Variants in DPP4 observed in about 807,000 individuals in gnomAD.
DPP4 encodes the protein dipeptidyl peptidase 4.
Under a neutral mutation model 122.4 loss-of-function variants are expected in DPP4, and 93 were observed. That is an observed-to-expected ratio of 0.76 (90% CI 0.64 to 0.90). DPP4 has a LOEUF of 0.90. DPP4 is among the 40% of genes least tolerant of loss of function. The probability of loss-of-function intolerance (pLI) is 0.00; values close to 1 mark genes in which losing one functional copy is unlikely to be tolerated. For missense variants in DPP4, 914 were observed against 907.3 expected (o/e 1.01, Z -0.09); for synonymous variants, 321 against 302.9 (o/e 1.06, Z -0.62).
rs534149788 is a variant in DPP4, at chr2:162,063,069, G to A, written c.94+10330C>T. The stretch of plus-strand genomic sequence containing the variant: ...CCAGGGTAGTAGGAGATGAGGTGGT[G>A]AGGTAGGGTCAAACTCTGAGAGAAT... On this transcript the variant is annotated intron_variant, in intron 2 of 25. Coordinates refer to ENST00000360534, the MANE Select transcript of DPP4 (RefSeq NM_001935.4). Among the ~76,000 whole-genome samples, 15 of 152,268 alleles carry A rather than the reference G, an allele frequency of 9.9e-5. No homozygotes were observed. The South Asian group carries it at 2.9e-3, about 29-fold the overall frequency.
chr2:162,008,364 A>C (rs1701336386), intron 22 of DPP4, among the ~76,000 whole-genome samples, 198 bp downstream of exon 22: 1 of 152,216 alleles, frequency 6.6e-6, no homozygotes, highest in Non-Finnish European at 1.5e-5. Flanking sequence ...TCAAACGTGT[A>C]ATAAAATATA....
intron 8 of DPP4, among the ~76,000 whole-genome samples, chr2:162,037,237 C>T (rs1683812599): frequency 1.3e-5 from 2 of 152,178 alleles, no homozygotes; most frequent in African/African-American, 4.8e-5. Context: ...GTGTTAGCTG[C>T]CCTCTTATCT....
chr2:162,044,654 G>A (rs1236811828), intron 5 of DPP4, among the ~76,000 whole-genome samples: 1 of 152,176 alleles, frequency 6.6e-6, no homozygotes, highest in Non-Finnish European at 1.5e-5. Context: ...TGAACAACTT[G>A]TCAAATCCAT....
chr2:162,050,637 G>C (rs962516459), intron 2 of DPP4, among the ~76,000 whole-genome samples: 1 of 152,248 alleles, frequency 6.6e-6, no homozygotes, highest in Non-Finnish European at 1.5e-5. Context: ...TCCAAGAGAA[G>C]AGCGGCTAAA....
In DPP4 at chr2:162,073,432, T is replaced by C; in HGVS notation, c.61A>G (p.Ile21Val). The C allele has an allele frequency of 1.9e-6, 3 of 1,614,102 alleles. No homozygotes were observed. Among genetic ancestry groups the C allele is most frequent in the Non-Finnish European group, 2.5e-6 (3 of 1,180,030 alleles). ...TTCAGCAGAACCACGGGCACGGTGA[T>C]GATGGTGACAAGCGCAGCAGCACCC... ...LLGAAALVTI[I>V]TVPVVLLNKG... The change falls in exon 2 of 26, where the codon ATC (isoleucine) becomes GTC (valine). Residue 21 changes from isoleucine to valine, a missense_variant. Transcript: ENST00000360534.
At chr2:162,059,435 T>C (rs1001914903) in intron 2 of DPP4, among the ~76,000 whole-genome samples, 3 of 152,220 alleles carry the variant, frequency 2.0e-5, no homozygotes, top group Non-Finnish European at 2.9e-5. Flanking sequence ...TTCTTAAGTG[T>C]ATGACTAAAT....
At position 161,995,050 on chromosome 2, in the gene DPP4, G is replaced by A; in HGVS notation, c.2126-16C>T. The stretch of plus-strand genomic sequence containing the variant: ...TGAACGTTATCTGCAGGGAGAGAAA[G>A]GAAACATAAAGTAGCTAATAGCCAC... On this transcript the variant is annotated splice_polypyrimidine_tract_variant and intron_variant, in intron 24 of 25. Transcript: ENST00000360534. 1 of 1,613,878 alleles carries A rather than the reference G, an allele frequency of 6.2e-7. No homozygotes were observed. Among genetic ancestry groups the A allele is most frequent in the Non-Finnish European group, 8.5e-7 (1 of 1,179,876 alleles).
At position 162,038,408 on chromosome 2, in the gene DPP4, G is replaced by A. The variant is rs149291595; in HGVS notation, c.507C>T (p.Asn169=). 1.7e-4 allele frequency: 273 copies of A among 1,602,694 alleles called. 3 individuals carry two copies. The African/African-American group carries it at 3.1e-3, about 18-fold the overall frequency. The part of the protein sequence containing the change: ...PVGHKLAYVW[N]NDIYVKIEPN... ...GTTCAATTTTAACATAAATGTCATT[G>A]TTCCAAACATATGCCTAGAAGGAAA... Residue 169 remains asparagine, a synonymous_variant, in exon 8 of 26, where the codon AAC becomes AAT. Coordinates refer to ENST00000360534, the MANE Select transcript of DPP4 (RefSeq NM_001935.4).
At chr2:162,012,169 A>T (rs139880944) in intron 19 of DPP4, among the ~76,000 whole-genome samples, 182 bp from the exon 20 acceptor site, 3 of 152,284 alleles carry the variant, frequency 2.0e-5, no homozygotes, top group African/African-American at 7.2e-5. Flanking sequence ...CCATGGTTGT[A>T]TATTTCCTTC....
At chr2:162,020,448 A>G (rs934136863) in intron 13 of DPP4, 133 bp downstream of exon 13, 28 of 960,314 alleles carry the variant, frequency 2.9e-5, no homozygotes, top group Admixed American at 1.1e-4. Flanking sequence ...ATGACACAAT[A>G]CACCACTGAG....
intron 12 of DPP4, chr2:162,021,440 A>T (rs1683123832): frequency 6.6e-6 from 1 of 152,172 alleles, no homozygotes; most frequent in Non-Finnish European, 1.5e-5. Flanking sequence ...TTGGTTTACG[A>T]TTTTGATTTC....
chr2:162,071,611 G>A (rs1200013742), intron 2 of DPP4, among the ~76,000 whole-genome samples: 1 of 152,332 alleles, frequency 6.6e-6, no homozygotes, highest in East Asian at 1.9e-4. Flanking sequence ...AACCTCCAGA[G>A]CAGTCTGCTC....
intron 19 of DPP4, among the ~76,000 whole-genome samples, chr2:162,012,570 C>T (rs749121177): frequency 5.3e-5 from 8 of 152,020 alleles, no homozygotes; most frequent in African/African-American, 9.7e-5. Flanking sequence ...CATTGGAAAA[C>T]GGGCATGTCA....
chr2:162,022,759 C>A lies in DPP4; in HGVS notation c.1064G>T (p.Gly355Val). The change falls in exon 12 of 26, where the codon GGA becomes GTA. Residue 355 changes from glycine (G) to valine (V), a missense_variant. Gly to Val is a moderately radical substitution (Grantham distance 109). Transcript: ENST00000360534. ...CCCACAACTTATAACACTTACTCTTCCAACCCAGCCAGTAGTACTCATTTC... is the reference window on the plus strand; with the variant it reads ...CCCACAACTTATAACACTTACTCTTACAACCCAGCCAGTAGTACTCATTTC... ...HIEMSTTGWVGRFRPSEPHFT... is the reference protein window; with the variant it reads ...HIEMSTTGWVVRFRPSEPHFT... The A allele has an allele frequency of 6.2e-7, 1 of 1,614,044 alleles. No homozygotes were observed. The highest frequency in any genetic ancestry group is 8.5e-7 in the Non-Finnish European group (1 of 1,180,014).
chr2:162,011,687 T>G (rs1682711918), intron 20 of DPP4, 106 bp downstream of exon 20: 3 of 1,141,766 alleles, frequency 2.6e-6, no homozygotes, highest in Admixed American at 5.1e-5. Context: ...GATTACAAAT[T>G]CATCCCAGAA....
Position 162,074,148 on chromosome 2 carries a change from T to C in DPP4, c.-167A>G. The C allele has an allele frequency of 3.7e-6, 5 of 1,336,824 alleles. No homozygotes were observed. In the South Asian group the frequency reaches 8.1e-5, roughly 22 times the overall value. 82.8% of individuals were successfully genotyped at this position (1,336,824 alleles called of 1,614,324 possible). On this transcript the variant is annotated 5_prime_UTR_variant, in exon 1 of 26. The change creates a new upstream start codon in the 5' untranslated region. Coordinates refer to ENST00000360534, the MANE Select transcript of DPP4 (RefSeq NM_001935.4). Reference sequence around the variant, plus strand: ...ATTAGTGAGCGCCGAGCCCGCTGGGTATAAAGGCGCCGCGGGCAGGCTGCA... The same window carrying C: ...ATTAGTGAGCGCCGAGCCCGCTGGGCATAAAGGCGCCGCGGGCAGGCTGCA...
At chr2:162,044,390 CAGTGTTGGTGTGTG>C (rs1439870343) in intron 5 of DPP4, among the ~76,000 whole-genome samples, 63 of 151,042 alleles carry the variant, frequency 4.2e-4, no homozygotes, top group Admixed American at 2.8e-3. Context: ...CTGAGTACAG[CAGTGTTGGTGTGTG>C]AGTGTTGGTG....
At chr2:162,047,078 A>C in intron 3 of DPP4, 72 bp from the exon 4 acceptor site, 3 of 819,256 alleles carry the variant, frequency 3.7e-6, no homozygotes. Flanking sequence ...AAAATTACAG[A>C]ATACAGTTTA....
chr2:162,073,311 G>T, intron 2 of DPP4, 88 bp downstream of exon 2: 1 of 1,387,130 alleles, frequency 7.2e-7, no homozygotes, highest in Admixed American at 1.8e-5. Flanking sequence ...CCAACCCCAC[G>T]CAAAATCCCT....
Sources: gnomAD v4.1 joint callset for allele counts (sites outside exome capture counted in the v4.1 genomes callset) on GRCh38, gnomAD v4.1.1 for gene constraint, MANE v1.5 for transcripts, NCBI Gene and HGNC (gene_info 2026-07-23, HGNC 2026-07-21) for gene names.